ACLY: variants seen among roughly 807,000 people sequenced by gnomAD.
ACLY encodes ATP-citrate synthase.
Under a neutral mutation model 133.0 loss-of-function variants are expected in ACLY, and 41 were observed. That is an observed-to-expected ratio of 0.31 (90% CI 0.24 to 0.40). The LOEUF (loss-of-function observed/expected upper bound fraction) is 0.40. Ranked by LOEUF, ACLY falls within the 10% of genes least tolerant of loss-of-function variation. ACLY has a pLI of 1.00. For missense variants in ACLY, 1,046 were observed against 1,453.8 expected (o/e 0.72, Z 4.56); for synonymous variants, 495 against 549.3 (o/e 0.90, Z 1.38).
intron 1 of ACLY, among the ~76,000 whole-genome samples, chr17:41,918,545 G>A (rs1334287611): frequency 6.6e-6 from 1 of 152,236 alleles, no homozygotes; most frequent in Non-Finnish European, 1.5e-5. Context: ...GAGGAGCCTC[G>A]ATAGCTGTGC....
intron 20 of ACLY, among the ~76,000 whole-genome samples, chr17:41,880,459 AAG>A (rs1371310259): frequency 8.5e-5 from 13 of 152,240 alleles, no homozygotes; most frequent in African/African-American, 2.2e-4. Context: ...GGGTGGGAAG[AAG>A]AGAGTCTATA....
At chr17:41,889,565 TCA>T (rs765398056) in intron 16 of ACLY, among the ~76,000 whole-genome samples, 5 of 65,888 alleles carry the variant, frequency 7.6e-5, no homozygotes, top group Non-Finnish European at 1.6e-4. Flanking sequence ...AAGAAGTAGC[TCA>T]TTTTCAGCAA....
chr17:41,873,823 CAG>C lies in ACLY; in HGVS notation c.2628_2629del (p.Trp877ValfsTer7). On this transcript the variant is annotated frameshift_variant, in exon 23 of 29. Coordinates refer to ENST00000352035, the MANE Select transcript of ACLY (RefSeq NM_001096.3). LOFTEE classifies it high-confidence loss of function. ...CCTCCATGCTCACCTTTTCTGGAAC[CAG>C]AGGAGGCCGAGGACCCCGCCAATGC... The C allele has an allele frequency of 6.4e-7, 1 of 1,572,798 alleles. No homozygotes were observed. Among genetic ancestry groups the C allele is most frequent in the Non-Finnish European group, 8.7e-7 (1 of 1,153,488 alleles).
In ACLY at chr17:41,898,314, T is replaced by C. The variant is rs1401570620; in HGVS notation, c.1338+317A>G. On this transcript the variant is annotated intron_variant, in intron 12 of 28. Transcript: ENST00000352035. ...TTTTAGTAGAGACACGGTTTCACCA[T>C]GTTGGCCAGGCTGGTCTCGAACTCC... is the stretch of plus-strand genomic sequence containing the variant. Among the ~76,000 whole-genome samples, 5 of 152,190 alleles carry C rather than the reference T, an allele frequency of 3.3e-5. No individual in the cohort carries two copies. The East Asian group carries it at 5.8e-4, about 18-fold the overall frequency.
chr17:41,878,051 A>G, intron 22 of ACLY, 52 bp downstream of exon 22: 2 of 1,323,664 alleles, frequency 1.5e-6, no homozygotes, highest in South Asian at 1.8e-5. Context: ...CCACCACCAT[A>G]GACCCACAGA....
intron 1 of ACLY, among the ~76,000 whole-genome samples, chr17:41,914,445 A>G (rs1726530680): frequency 6.6e-6 from 1 of 152,162 alleles, no homozygotes; most frequent in Non-Finnish European, 1.5e-5. Context: ...CACCGGGCCA[A>G]TGGCCAAGCC....
chr17:41,914,048 A>C, intron 1 of ACLY, 152 bp from the exon 2 acceptor site: 1 of 711,322 alleles, frequency 1.4e-6, no homozygotes, highest in Non-Finnish European at 2.3e-6. Flanking sequence ...TCCCAGCGGG[A>C]GGGATGGAAG....
At chr17:41,929,332 C>T (rs952935032) in intron 1 of ACLY, among the ~76,000 whole-genome samples, 1 of 152,010 alleles carries the variant, frequency 6.6e-6, no homozygotes, top group South Asian at 2.1e-4. Flanking sequence ...TGAGCTCAAG[C>T]GATCCTCCCA....
chr17:41,919,159 C>A (rs993926652), upstream of ACLY: 125 of 995,598 alleles, frequency 1.3e-4, no homozygotes, highest in Non-Finnish European at 1.5e-4. Context: ...CCCGCTGGCC[C>A]ATCCACCGCC....
chr17:41,905,361 GT>G (rs1357726191), intron 9 of ACLY, among the ~76,000 whole-genome samples, 160 bp downstream of exon 9: 7 of 152,262 alleles, frequency 4.6e-5, no homozygotes, highest in African/African-American at 1.7e-4. Context: ...CCTGCCCTCT[GT>G]GCAGTCAGAG....
At chr17:41,917,138 A>C (rs1301868413) in intron 1 of ACLY, among the ~76,000 whole-genome samples, 1 of 150,786 alleles carries the variant, frequency 6.6e-6, no homozygotes, top group Non-Finnish European at 1.5e-5. Context: ...CTGTCTCAAA[A>C]AAAAAAAAAA....
At chr17:41,908,490 G>A (rs138878999) in intron 6 of ACLY, among the ~76,000 whole-genome samples, 10 of 152,360 alleles carry the variant, frequency 6.6e-5, no homozygotes, top group East Asian at 5.8e-4. Flanking sequence ...CTGGCCGGGC[G>A]TGGTGGCTCA....
intron 10 of ACLY, chr17:41,904,465 AAGC>A: frequency 2.0e-6 from 1 of 492,192 alleles, no homozygotes; most frequent in Non-Finnish European, 3.7e-6. Flanking sequence ...AGAAGGAAGA[AAGC>A]AGAAATTCGC....
Position 41,898,634 on chromosome 17 carries a change from T to G in ACLY, c.1335A>C (p.Thr445=). 1.2e-6 allele frequency: 2 copies of G among 1,613,500 alleles called. No individual in the cohort carries two copies. Among genetic ancestry groups the G allele is most frequent in the Non-Finnish European group, 1.7e-6 (2 of 1,179,856 alleles). Residue 445 remains threonine (T), a synonymous_variant, in exon 12 of 29, where the codon ACA becomes ACC. Transcript: ENST00000352035. The stretch of plus-strand genomic sequence containing the variant: ...GTTTGGGGAGGCTGGAACCTACCGA[T>G]GTGCTCCCGCTGGCGTTGAGGAGGA... ...ANFLLNASGS[T]STPAPSRTAS... is the part of the protein sequence containing the mutation.
chr17:41,905,782 G>A lies in ACLY; in HGVS notation c.867-124C>T. 4 of 1,190,382 alleles carry A rather than the reference G, an allele frequency of 3.4e-6. No homozygotes were observed. The South Asian group carries it at 5.4e-5, about 16-fold the overall frequency. 73.7% of individuals were successfully genotyped at this position (1,190,382 alleles called of 1,614,324 possible). A position where few individuals can be genotyped will look rare whatever the true frequency, so the allele number is the denominator to read the frequency against. The stretch of plus-strand genomic sequence containing the variant: ...GTTAGCCTGTGGAACCGGCCTCTTG[G>A]ATCTCCAGCCCCCAATTCCCATGCA... On this transcript the variant is annotated intron_variant, in intron 8 of 28. Transcript: ENST00000352035.
At chr17:41,925,965 C>T (rs963556056) in intron 1 of ACLY, among the ~76,000 whole-genome samples, 4 of 151,960 alleles carry the variant, frequency 2.6e-5, no homozygotes, top group African/African-American at 9.7e-5. Flanking sequence ...CTGCCTCGGC[C>T]TCTGGTACAG....
chr17:41,904,646 G>T, intron 10 of ACLY, 83 bp downstream of exon 10: 1 of 1,379,642 alleles, frequency 7.2e-7, no homozygotes, highest in Non-Finnish European at 1.0e-6. Context: ...CTTGGCTCTG[G>T]CTCAAACTCT....
At chr17:41,926,781 G>GC (rs1445867571) in intron 1 of ACLY, among the ~76,000 whole-genome samples, 1 of 152,086 alleles carries the variant, frequency 6.6e-6, no homozygotes, top group Non-Finnish European at 1.5e-5. Flanking sequence ...AAGCCACCAC[G>GC]CCAGGCCTTA....
intron 12 of ACLY, 26 bp from the exon 13 acceptor site, chr17:41,897,865 A>G (rs782418151): frequency 6.3e-7 from 1 of 1,598,280 alleles, no homozygotes; most frequent in South Asian, 1.1e-5. Flanking sequence ...GAGAGAGTGT[A>G]AGAGGTAAGA....
Sources: allele counts gnomAD v4.1 joint callset (sites outside exome capture counted in the v4.1 genomes callset), GRCh38; gene constraint gnomAD v4.1.1; transcripts MANE v1.5; gene names NCBI Gene and HGNC (gene_info 2026-07-23, HGNC 2026-07-21).